ECPAS: variants seen among roughly 807,000 people sequenced by gnomAD.
ECPAS encodes the protein Ecm29 proteasome adaptor and scaffold.
Under a neutral mutation model 255.1 loss-of-function variants are expected in ECPAS, and 70 were observed. The observed-to-expected ratio is 0.27, with a 90% CI of 0.23 to 0.33. The LOEUF (loss-of-function observed/expected upper bound fraction) is 0.33. Ranked by LOEUF, ECPAS falls within the 10% of genes least tolerant of loss-of-function variation. ECPAS has a pLI of 1.00. For missense variants in ECPAS, 1,817 were observed against 2,206.4 expected, an observed-to-expected ratio of 0.82 and a Z score of 3.54; for synonymous variants, 784 against 775.0, an observed-to-expected ratio of 1.01 and a Z score of -0.19.
intron 1 of ECPAS, among the ~76,000 whole-genome samples, chr9:111,479,070 T>G (rs1168174417): frequency 1.3e-5 from 2 of 152,180 alleles, no homozygotes; most frequent in African/African-American, 4.8e-5. Context: ...CTGGGACTAC[T>G]TTCCAGCTGC....
chr9:111,368,386 TAATA>T (rs1329001309), intron 46 of ECPAS, among the ~76,000 whole-genome samples: 1 of 152,238 alleles, frequency 6.6e-6, no homozygotes, highest in Non-Finnish European at 1.5e-5. Context: ...GAGACCCTGC[TAATA>T]AACTTTGTGC....
intron 20 of ECPAS, among the ~76,000 whole-genome samples, chr9:111,413,642 A>C (rs1301740221): frequency 6.6e-6 from 1 of 152,068 alleles, no homozygotes; most frequent in Non-Finnish European, 1.5e-5. Context: ...TTTCAAAAAA[A>C]AAAAACTTTT....
At chr9:111,478,388 G>A (rs1453072721) in intron 1 of ECPAS, among the ~76,000 whole-genome samples, 1 of 151,990 alleles carries the variant, frequency 6.6e-6, no homozygotes, top group South Asian at 2.1e-4. Context: ...TAAGTCAGGC[G>A]CAGTGTCGCA....
At chr9:111,473,971 AAAAAG>A (rs1319587302) in intron 1 of ECPAS, among the ~76,000 whole-genome samples, 3 of 152,186 alleles carry the variant, frequency 2.0e-5, no homozygotes, top group Non-Finnish European at 2.9e-5. Flanking sequence ...TGTCTCAATA[AAAAAG>A]AAAAGAAAAG....
At chr9:111,480,191 C>T (rs1192914677) in intron 1 of ECPAS, among the ~76,000 whole-genome samples, 1 of 147,320 alleles carries the variant, frequency 6.8e-6, no homozygotes, top group East Asian at 2.0e-4. Flanking sequence ...ATGCTGGCAT[C>T]TAGTAGTTTG....
intron 2 of ECPAS, among the ~76,000 whole-genome samples, chr9:111,457,467 G>A (rs1339050356): frequency 1.3e-5 from 2 of 152,168 alleles, no homozygotes; most frequent in African/African-American, 4.8e-5. Flanking sequence ...ACCTTAGATA[G>A]GACAGGAAGG....
chr9:111,379,107 TATACCTCCTCCATAC>T (rs1226460581), intron 35 of ECPAS, among the ~76,000 whole-genome samples: 1 of 152,224 alleles, frequency 6.6e-6, no homozygotes, highest in Non-Finnish European at 1.5e-5. Context: ...TTGTTTCATT[TATACCTCCTCCATAC>T]ATACAGCCGC....
At chr9:111,407,068 T>C (rs1179162442) in intron 24 of ECPAS, among the ~76,000 whole-genome samples, 1 of 146,854 alleles carries the variant, frequency 6.8e-6, no homozygotes, top group Non-Finnish European at 1.5e-5. Context: ...ATAATGGCAT[T>C]AAAAGTAAGT....
intron 47 of ECPAS, 41 bp from the exon 48 acceptor site, chr9:111,366,368 A>T: frequency 6.8e-7 from 1 of 1,470,736 alleles, no homozygotes; most frequent in Non-Finnish European, 9.3e-7. Flanking sequence ...CCAATTATTA[A>T]GAAACAGTCT....
At chr9:111,385,228 G>T in intron 33 of ECPAS, 109 bp downstream of exon 33, 1 of 634,748 alleles carries the variant, frequency 1.6e-6, no homozygotes, top group Non-Finnish European at 2.7e-6. Context: ...GAAAACGTTG[G>T]TCTCTTAAAA....
chr9:111,425,976 T>C (rs2098220940), intron 10 of ECPAS, 148 bp from the exon 11 acceptor site: 1 of 502,104 alleles, frequency 2.0e-6, no homozygotes. Flanking sequence ...CTGACCAACT[T>C]AGAAAGCCAA....
At chr9:111,366,718 G>C in intron 46 of ECPAS, 91 bp from the exon 47 acceptor site, 1 of 782,734 alleles carries the variant, frequency 1.3e-6, no homozygotes, top group Non-Finnish European at 2.2e-6. Flanking sequence ...GAGAGCAAGA[G>C]AAAGGAAGAG....
intron 2 of ECPAS, among the ~76,000 whole-genome samples, chr9:111,456,540 A>C (rs1159018776): frequency 6.6e-6 from 1 of 152,240 alleles, no homozygotes; most frequent in Non-Finnish European, 1.5e-5. Context: ...GTTCACTAGA[A>C]TGTGTCTCAT....
At chr9:111,421,499 A>G (rs1377649451) in intron 15 of ECPAS, among the ~76,000 whole-genome samples, 2 of 151,922 alleles carry the variant, frequency 1.3e-5, no homozygotes, top group Admixed American at 6.6e-5. Context: ...AAAACCAAAT[A>G]AAGAGGAAGA....
At chr9:111,373,024 A>G in intron 41 of ECPAS, 146 bp downstream of exon 41, 1 of 737,242 alleles carries the variant, frequency 1.4e-6, no homozygotes, top group South Asian at 1.8e-5. Flanking sequence ...AAAGCCAGAC[A>G]CCATCTCAAA....
chr9:111,439,984 A>G (rs2098243566), intron 6 of ECPAS, among the ~76,000 whole-genome samples: 1 of 152,192 alleles, frequency 6.6e-6, no homozygotes, highest in Non-Finnish European at 1.5e-5. Flanking sequence ...TTGTATGGCT[A>G]GGTGGCAAAG....
chr9:111,476,743 A>C (rs2132110767), intron 1 of ECPAS, among the ~76,000 whole-genome samples: 1 of 151,598 alleles, frequency 6.6e-6, no homozygotes, highest in East Asian at 2.0e-4. Flanking sequence ...GCTCACTGCA[A>C]TCTCTGCCTC....
At chr9:111,453,243 T>C (rs1420839233) in intron 2 of ECPAS, among the ~76,000 whole-genome samples, 1 of 151,908 alleles carries the variant, frequency 6.6e-6, no homozygotes, top group Non-Finnish European at 1.5e-5. Flanking sequence ...TAAGACCCTG[T>C]CTCAAAAATA....
chr9:111,476,828 AATTTTTGTATTTTCAGT>A (rs1433227116), intron 1 of ECPAS, among the ~76,000 whole-genome samples: 1 of 151,390 alleles, frequency 6.6e-6, no homozygotes, highest in Non-Finnish European at 1.5e-5. Flanking sequence ...ACAACCAGCT[AATTTTTGTATTTTCAGT>A]AGAGACAGGG....
Sources: gnomAD v4.1 joint callset for allele counts (sites outside exome capture counted in the v4.1 genomes callset) on GRCh38, gnomAD v4.1.1 for gene constraint, MANE v1.5 for transcripts, NCBI Gene and HGNC (gene_info 2026-07-23, HGNC 2026-07-21) for gene names.